The following PASK variants were observed in gnomAD, a reference collection of about 807,000 sequenced individuals.
The protein encoded by PASK is PAS domain containing serine/threonine kinase, also known as PAS domain-containing serine/threonine-protein kinase.
In PASK, 110 loss-of-function variants were observed where a neutral mutation model predicts 121.0. The observed-to-expected ratio is 0.91, with a 90% CI of 0.78 to 1.06. PASK has a LOEUF of 1.06. Ranked by LOEUF, PASK falls within the 50% of genes least tolerant of loss-of-function variation. The pLI is 0.00. For missense variants in PASK, 1,643 were observed against 1,702.3 expected (o/e 0.97, Z 0.61); for synonymous variants, 686 against 717.8 (o/e 0.96, Z 0.71).
intron 1 of PASK, among the ~76,000 whole-genome samples, chr2:241,144,789 T>C (rs1023613038): frequency 3.3e-5 from 5 of 151,370 alleles, no homozygotes; most frequent in African/African-American, 1.2e-4. Flanking sequence ...CTCCAAGGAG[T>C]CCCCCCTCCT....
At chr2:241,125,638 A>G (rs543670682) in intron 10 of PASK, among the ~76,000 whole-genome samples, 1 of 152,136 alleles carries the variant, frequency 6.6e-6, no homozygotes, top group South Asian at 2.1e-4. Context: ...AATGAAAATA[A>G]AAAAGAAAGT....
rs373166018 is a variant in PASK, at chr2:241,128,045, C to T, written c.1464-594G>A. ...CTGTAATCCCAGCACTTTGGGAGGCCGAGGTGGGCAGATCACTTGAGGTCA... is the reference window on the plus strand; with the variant it reads ...CTGTAATCCCAGCACTTTGGGAGGCTGAGGTGGGCAGATCACTTGAGGTCA... On this transcript the variant is annotated intron_variant, in intron 9 of 17. Transcript: ENST00000234040. Among the ~76,000 whole-genome samples the T allele has an allele frequency of 4.1e-4, 62 of 152,242 alleles. 1 individual carries two copies. The highest frequency in any genetic ancestry group is 1.2e-3 in the African/African-American group (48 of 41,526).
intron 9 of PASK, among the ~76,000 whole-genome samples, chr2:241,132,296 G>A (rs189494677): frequency 1.4e-4 from 22 of 151,780 alleles, no homozygotes; most frequent in East Asian, 3.9e-4. Context: ...AGGCCAAGGC[G>A]GGTGGATAAC....
At chr2:241,130,917 A>G (rs1414326605) in intron 9 of PASK, among the ~76,000 whole-genome samples, 1 of 152,194 alleles carries the variant, frequency 6.6e-6, no homozygotes, top group Non-Finnish European at 1.5e-5. Context: ...AGCCGTGCTC[A>G]GGGAACAGAA....
intron 2 of PASK, 52 bp from the exon 3 acceptor site, chr2:241,140,805 C>T (rs1159351898): frequency 8.0e-7 from 1 of 1,245,238 alleles, no homozygotes; most frequent in Admixed American, 1.8e-5. Flanking sequence ...TGCCAGAGTC[C>T]ACCTTCTGAA....
chr2:241,139,373 T>C (rs1482678628), intron 4 of PASK, among the ~76,000 whole-genome samples: 2 of 152,136 alleles, frequency 1.3e-5, no homozygotes, highest in Admixed American at 6.5e-5. Context: ...GCTTTTTCCA[T>C]GCCTTGGGCT....
In PASK at chr2:241,108,036, A is replaced by C. The variant is rs2064958419; in HGVS notation, c.3667+131T>G. On this transcript the variant is annotated intron_variant, in intron 16 of 17. Transcript: ENST00000234040. The surrounding 1 kb of genome is among the most constrained non-coding windows in gnomAD (Gnocchi z 5.2). Reference sequence around the variant, plus strand: ...TTTAAAGTCATATGCAAATTATTTGATGAATAGAAAAGAAACAAATGAGAC... The same window carrying C: ...TTTAAAGTCATATGCAAATTATTTGCTGAATAGAAAAGAAACAAATGAGAC... 1 of 909,176 alleles carries C rather than the reference A, an allele frequency of 1.1e-6. No individual in the cohort carries two copies. Among genetic ancestry groups the C allele is most frequent in the Admixed American group, 1.8e-5 (1 of 57,094 alleles). 56.3% of individuals were successfully genotyped at this position (909,176 alleles called of 1,614,324 possible). A position where few individuals can be genotyped will look rare whatever the true frequency, so the allele number is the denominator to read the frequency against.
chr2:241,122,649 C>T (rs2065664241), intron 12 of PASK, 83 bp downstream of exon 12: 1 of 1,361,360 alleles, frequency 7.3e-7, no homozygotes, highest in Admixed American at 1.7e-5. Context: ...CCTCCAAAAA[C>T]CCCAGGTTTG....
In PASK at chr2:241,115,432, G is replaced by T; in HGVS notation, c.3073-19C>A. ...CCACCACCTGTGAGGAAGACAGAGC[G>T]TAGTGGAAATAGCTGGAGCCAGTCC... is the stretch of plus-strand genomic sequence containing the variant. On this transcript the variant is annotated intron_variant, in intron 12 of 17. Transcript: ENST00000234040. The T allele has an allele frequency of 6.2e-7, 1 of 1,613,600 alleles. No individual in the cohort carries two copies.
At chr2:241,119,043 C>T in intron 12 of PASK, 1 of 628,828 alleles carries the variant, frequency 1.6e-6, no homozygotes, top group Non-Finnish European at 2.0e-6. Flanking sequence ...GAGGCCCACC[C>T]CAGAGGCTGG....
In PASK at chr2:241,112,891, G is replaced by C. The variant is rs577300230; in HGVS notation, c.3334-452C>G. 84 of 181,212 alleles carry C rather than the reference G, an allele frequency of 4.6e-4. No individual in the cohort carries two copies. The South Asian group carries it at 9.4e-3, about 20-fold the overall frequency. 11.2% of individuals were successfully genotyped at this position (181,212 alleles called of 1,614,324 possible). On this transcript the variant is annotated intron_variant, in intron 14 of 17. Transcript: ENST00000234040. The surrounding 1 kb of genome is among the most constrained non-coding windows in gnomAD (Gnocchi z 5.2). ...CAAGTCGATAACCTCAGCTCACAGG[G>C]AGGGAAAGTGACTTGCCCAGAGTTC...
rs1406900623 is a variant in PASK at position 241,140,964 on chromosome 2, C to T, written c.197-211G>A. On this transcript the variant is annotated intron_variant, in intron 2 of 17. Coordinates refer to ENST00000234040, the MANE Select transcript of PASK (RefSeq NM_015148.4). ...CAACCACCAGGTCCACTCGGAAGCACAAACAGCATAAGATCAACACTTCTG... is the reference window on the plus strand; with the variant it reads ...CAACCACCAGGTCCACTCGGAAGCATAAACAGCATAAGATCAACACTTCTG... The T allele has an allele frequency of 6.6e-6, 4 of 607,886 alleles. No homozygotes were observed. In the East Asian group the frequency reaches 8.6e-5, roughly 13 times the overall value. 37.7% of individuals were successfully genotyped at this position (607,886 alleles called of 1,614,324 possible). A position where few individuals can be genotyped will look rare whatever the true frequency, so the allele number is the denominator to read the frequency against.
At chr2:241,132,420 G>C (rs1410706957) in intron 9 of PASK, among the ~76,000 whole-genome samples, 1 of 149,486 alleles carries the variant, frequency 6.7e-6, no homozygotes. Context: ...GGGAGGCTGA[G>C]GCAGGAGAAT....
intron 9 of PASK, among the ~76,000 whole-genome samples, chr2:241,129,751 A>G (rs2066039001): frequency 6.6e-6 from 1 of 152,346 alleles, no homozygotes; most frequent in Non-Finnish European, 1.5e-5. Flanking sequence ...GCCAGCATGC[A>G]GTCAGGGCAT....
intron 12 of PASK, among the ~76,000 whole-genome samples, chr2:241,120,986 C>T (rs1031657128): frequency 2.0e-5 from 3 of 152,218 alleles, no homozygotes; most frequent in South Asian, 4.1e-4. Context: ...GAATATTACT[C>T]GGTCATAAAA....
At chr2:241,123,733 A>T (rs1174409649) in intron 11 of PASK, among the ~76,000 whole-genome samples, 1 of 151,632 alleles carries the variant, frequency 6.6e-6, no homozygotes, top group East Asian at 2.0e-4. Context: ...CGGGCGAATC[A>T]CTTGAACCCG....
chr2:241,116,926 G>T (rs949328232), intron 12 of PASK, among the ~76,000 whole-genome samples: 5 of 152,192 alleles, frequency 3.3e-5, no homozygotes, highest in Non-Finnish European at 7.3e-5. Context: ...AGGAAGTGCC[G>T]CGGGGGTGCA....
intron 12 of PASK, among the ~76,000 whole-genome samples, chr2:241,119,464 GCTT>G (rs1374067456): frequency 2.8e-5 from 4 of 140,490 alleles, no homozygotes; most frequent in South Asian, 2.1e-4. Context: ...TAAGCAAGAT[GCTT>G]CTTTTTTTTT....
Position 241,107,484 on chromosome 2 carries a change from A to G in PASK, c.3683T>C (p.Val1228Ala), listed in dbSNP as rs1159594264. Reference protein sequence around the residue: ...YLVSKELMSLVSGLLQPVPER... With the variant: ...YLVSKELMSLASGLLQPVPER... ...AGGGACTGGCTGCAGCAGCCCAGAC[A>G]CAAGGCTCATGAGTTCTGGGGACAC... is the stretch of plus-strand genomic sequence containing the variant. Residue 1228 changes from valine to alanine, a missense_variant, in exon 17 of 18, where the codon GTG becomes GCG. Around this residue, in one of 3 missense-constraint regions of PASK, gnomAD observed 453 missense variants for 511.2 expected, o/e 0.89. Coordinates refer to ENST00000234040, the MANE Select transcript of PASK (RefSeq NM_015148.4). 6.2e-7 allele frequency: 1 copy of G among 1,613,990 alleles called. No homozygotes were observed. The highest frequency in any genetic ancestry group is 1.3e-5 in the African/African-American group (1 of 74,934).
Sources: gnomAD v4.1 joint callset for allele counts (sites outside exome capture counted in the v4.1 genomes callset) on GRCh38, gnomAD v4.1.1 for gene constraint, gnomAD v4.1.1 regional missense constraint, Gnocchi (gnomAD v3.1) non-coding constraint, MANE v1.5 for transcripts, NCBI Gene and HGNC (gene_info 2026-07-23, HGNC 2026-07-21) for gene names.